Variants in DLGAP1 observed in about 807,000 individuals in gnomAD.
DLGAP1 encodes disks large-associated protein 1.
DLGAP1 carries 11 observed loss-of-function variants against 90.8 expected under a neutral mutation model. That is an observed-to-expected ratio of 0.12 (90% CI 0.08 to 0.20). The LOEUF is 0.20. Among genes scored for constraint, DLGAP1 ranks in the 10% least tolerant of loss-of-function variants. The pLI, the probability that DLGAP1 is intolerant of heterozygous loss-of-function variation, is 1.00. For synonymous variants in DLGAP1, 558 were observed against 540.7 expected (o/e 1.03, Z -0.44); for missense variants, 1,050 against 1,333.8 (o/e 0.79, Z 3.31).
intron 5 of DLGAP1, among the ~76,000 whole-genome samples, chr18:3,761,574 C>CT (rs1175609507): frequency 2.7e-5 from 4 of 149,280 alleles, no homozygotes; most frequent in African/African-American, 9.9e-5. Flanking sequence ...TTCTTTCTTT[C>CT]TTTCTTTTTT....
intron 7 of DLGAP1, among the ~76,000 whole-genome samples, chr18:3,587,669 A>C (rs2055970626): frequency 6.6e-6 from 1 of 151,970 alleles, no homozygotes; most frequent in Admixed American, 6.6e-5. Context: ...GCTGCTGCTC[A>C]CTCTTTGGGT....
intron 5 of DLGAP1, chr18:3,771,563 T>A (rs1280399736): frequency 1.3e-5 from 2 of 152,240 alleles, no homozygotes; most frequent in Non-Finnish European, 2.9e-5. Flanking sequence ...ACGTGCCGTG[T>A]GTACTGCGGG....
intron 2 of DLGAP1, among the ~76,000 whole-genome samples, chr18:4,124,519 C>T (rs1018049485): frequency 1.3e-5 from 2 of 152,230 alleles, no homozygotes. Flanking sequence ...AGATACGGAA[C>T]AGCTTTGGCC....
intron 5 of DLGAP1, among the ~76,000 whole-genome samples, chr18:3,772,398 T>TTC (rs1469796244): frequency 2.9e-5 from 1 of 34,760 alleles, no homozygotes; most frequent in Non-Finnish European, 7.1e-5. Flanking sequence ...CTTTCTTTCT[T>TTC]TCTTTCTTTC....
chr18:3,847,431 T>A (rs998339694), intron 4 of DLGAP1, among the ~76,000 whole-genome samples: 2 of 150,366 alleles, frequency 1.3e-5, no homozygotes, highest in Non-Finnish European at 3.0e-5. Context: ...AGAAAACAAA[T>A]CTCCAAATCT....
At chr18:3,935,450 T>A (rs2072614053) in intron 3 of DLGAP1, among the ~76,000 whole-genome samples, 1 of 152,176 alleles carries the variant, frequency 6.6e-6, no homozygotes. Context: ...GCAAATTGGA[T>A]GGAGAAGGAG....
intron 2 of DLGAP1, among the ~76,000 whole-genome samples, chr18:4,122,267 C>A (rs2076164776): frequency 6.6e-6 from 1 of 152,116 alleles, no homozygotes; most frequent in Non-Finnish European, 1.5e-5. Context: ...AAATATTAAA[C>A]CAAAAAGCAA....
intron 7 of DLGAP1, among the ~76,000 whole-genome samples, chr18:3,700,479 T>C (rs1165898765): frequency 6.6e-6 from 1 of 152,202 alleles, no homozygotes; most frequent in African/African-American, 2.4e-5. Context: ...CCCAGTGAGA[T>C]GGGCCGTGTA....
chr18:3,559,624 CTTTT>C (rs34093132), intron 9 of DLGAP1, among the ~76,000 whole-genome samples: 2 of 129,894 alleles, frequency 1.5e-5, no homozygotes, highest in East Asian at 2.1e-4. Context: ...ATCCAATCCA[CTTTT>C]TTTTTTTTTT....
At chr18:4,096,826 A>G (rs1298189807) in intron 2 of DLGAP1, among the ~76,000 whole-genome samples, 5 of 152,058 alleles carry the variant, frequency 3.3e-5, no homozygotes, top group African/African-American at 1.2e-4. Flanking sequence ...GTGAAGGCTG[A>G]GCAAGTTACT....
intron 1 of DLGAP1, among the ~76,000 whole-genome samples, chr18:4,180,733 T>C (rs927863418): frequency 6.6e-6 from 1 of 152,124 alleles, no homozygotes; most frequent in Non-Finnish European, 1.5e-5. Flanking sequence ...TATAATATTC[T>C]TTAGATGGGG....
At chr18:4,353,942 T>C (rs2081450735) in intron 1 of DLGAP1, among the ~76,000 whole-genome samples, 1 of 152,112 alleles carries the variant, frequency 6.6e-6, no homozygotes, top group Non-Finnish European at 1.5e-5. Flanking sequence ...AATTTAACCG[T>C]AGAAGCTGAG....
rs192140269 is a variant in DLGAP1 at position 3,839,237 on chromosome 18, G to A, written c.958-24964C>T. On this transcript the variant is annotated intron_variant, in intron 4 of 12. Transcript: ENST00000315677. ...ATCAATCCACTCATTCACATTTATCGAATGCTTCCTGTGTGCCAAGCACTG... is the reference window on the plus strand; with the variant it reads ...ATCAATCCACTCATTCACATTTATCAAATGCTTCCTGTGTGCCAAGCACTG... Among the ~76,000 whole-genome samples the A allele has an allele frequency of 3.9e-3, 596 of 152,170 alleles. 1 individual carries two copies. The highest frequency in any genetic ancestry group is 7.0e-3 in the Non-Finnish European group (476 of 67,996).
At chr18:4,338,942 T>A (rs1224482199) in intron 1 of DLGAP1, among the ~76,000 whole-genome samples, 1 of 152,228 alleles carries the variant, frequency 6.6e-6, no homozygotes, top group Non-Finnish European at 1.5e-5. Flanking sequence ...TGAAAATAAC[T>A]TATTATACAA....
chr18:3,559,645 C>A, intron 9 of DLGAP1, among the ~76,000 whole-genome samples: 1 of 106,630 alleles, frequency 9.4e-6, no homozygotes, highest in Admixed American at 1.1e-4. Context: ...TTTTTTTTTG[C>A]GGAGTCTCGT....
intron 7 of DLGAP1, among the ~76,000 whole-genome samples, chr18:3,601,802 GC>G (rs1445653766): frequency 7.1e-6 from 1 of 139,892 alleles, no homozygotes; most frequent in African/African-American, 2.8e-5. Context: ...CCCAGATCAC[GC>G]CACTGCACTC....
In DLGAP1 at chr18:3,900,480, C is replaced by G. The variant is rs111987098; in HGVS notation, c.-72-20340G>C. 2.0e-5 allele frequency among the ~76,000 whole-genome samples: 3 copies of G among 152,174 alleles called. No individual in the cohort carries two copies. The South Asian group carries it at 6.2e-4, about 31-fold the overall frequency. The stretch of plus-strand genomic sequence containing the variant: ...CACATTATTCTGTCTTCCCTCCTAA[C>G]GAGAATTCTTTAACAGTCAGACTTG... On this transcript the variant is annotated intron_variant, in intron 3 of 12. Transcript: ENST00000315677.
chr18:4,435,985 G>C (rs765531349), intron 1 of DLGAP1, among the ~76,000 whole-genome samples: 10 of 152,140 alleles, frequency 6.6e-5, no homozygotes, highest in Non-Finnish European at 8.8e-5. Context: ...AAGGACAATA[G>C]ACTGCAGGAA....
At chr18:3,525,933 A>G (rs1268982452) in intron 10 of DLGAP1, among the ~76,000 whole-genome samples, 1 of 152,146 alleles carries the variant, frequency 6.6e-6, no homozygotes, top group African/African-American at 2.4e-5. Flanking sequence ...CACATCCACA[A>G]AAGGATGGTG....
Sources: allele counts gnomAD v4.1 joint callset (sites outside exome capture counted in the v4.1 genomes callset), GRCh38; gene constraint gnomAD v4.1.1; transcripts MANE v1.5; gene names NCBI Gene and HGNC (gene_info 2026-07-23, HGNC 2026-07-21).